Variants in DLG2 observed in about 807,000 individuals in gnomAD.
DLG2 encodes the protein disks large homolog 2.
A neutral mutation model predicts 132.5 loss-of-function variants in DLG2; 45 were observed. The ratio of observed to expected loss-of-function variants is 0.34; its 90% CI spans 0.27 to 0.44. The LOEUF (loss-of-function observed/expected upper bound fraction) is 0.44, where lower values mean the gene tolerates loss of function less well. Among genes scored for constraint, DLG2 ranks in the 20% least tolerant of loss-of-function variants. DLG2 has a pLI of 1.00. For missense variants in DLG2, 1,045 were observed against 1,196.9 expected (o/e 0.87, Z 1.87); for synonymous variants, 424 against 419.6 (o/e 1.01, Z -0.13).
At chr11:83,912,949 T>C (rs2076318606) in intron 15 of DLG2, among the ~76,000 whole-genome samples, 1 of 152,050 alleles carries the variant, frequency 6.6e-6, no homozygotes, top group Non-Finnish European at 1.5e-5. Context: ...GTGGGAAGAA[T>C]AAGGCAGTGA....
At chr11:85,084,590 C>T (rs922804382) in intron 6 of DLG2, among the ~76,000 whole-genome samples, 1 of 152,126 alleles carries the variant, frequency 6.6e-6, no homozygotes, top group Non-Finnish European at 1.5e-5. Context: ...TGTAACCAGT[C>T]AGCATGGTTT....
At chr11:84,402,637 C>CT (rs2098833662) in intron 7 of DLG2, among the ~76,000 whole-genome samples, 1 of 151,904 alleles carries the variant, frequency 6.6e-6, no homozygotes. Flanking sequence ...TTACCCAGCA[C>CT]TTTGAGAGGC....
intron 4 of DLG2, among the ~76,000 whole-genome samples, chr11:85,284,384 A>T (rs946254764): frequency 2.0e-5 from 3 of 151,888 alleles, no homozygotes; most frequent in Non-Finnish European, 2.9e-5. Context: ...AATATTAACA[A>T]TACAAACTCA....
intron 14 of DLG2, among the ~76,000 whole-genome samples, chr11:83,947,372 T>C (rs1201313688): frequency 6.6e-6 from 1 of 152,182 alleles, no homozygotes. Flanking sequence ...TTAAAAGGCA[T>C]TGAAATATAG....
intron 8 of DLG2, among the ~76,000 whole-genome samples, chr11:84,220,290 G>A (rs1179933901): frequency 1.3e-5 from 2 of 152,136 alleles, no homozygotes; most frequent in East Asian, 3.8e-4. Context: ...ACCGATTTAT[G>A]TACTCCTCTC....
chr11:84,793,018 GT>G (rs1333799791), intron 6 of DLG2, among the ~76,000 whole-genome samples: 4 of 151,798 alleles, frequency 2.6e-5, no homozygotes, highest in Non-Finnish European at 2.9e-5. Flanking sequence ...ATAATTTGAA[GT>G]TTTTCTCTTT....
intron 10 of DLG2, among the ~76,000 whole-genome samples, chr11:84,098,199 C>T (rs1390669900): frequency 6.6e-6 from 1 of 151,984 alleles, no homozygotes; most frequent in African/African-American, 2.4e-5. Context: ...CCACCATGCC[C>T]AGCTACTTTT....
At chr11:85,592,682 G>A (rs982882068) in intron 3 of DLG2, among the ~76,000 whole-genome samples, 3 of 152,174 alleles carry the variant, frequency 2.0e-5, no homozygotes, top group African/African-American at 7.2e-5. Context: ...TGGGTGTGGT[G>A]CCTCATGCCT....
chr11:83,712,189 A>G (rs2085600130), intron 18 of DLG2, among the ~76,000 whole-genome samples: 2 of 152,212 alleles, frequency 1.3e-5, no homozygotes, highest in African/African-American at 2.4e-5. Flanking sequence ...AAGTCATTCT[A>G]TTATAAAGAT....
intron 3 of DLG2, among the ~76,000 whole-genome samples, chr11:85,462,772 G>A (rs1026498300): frequency 6.6e-6 from 1 of 151,726 alleles, no homozygotes; most frequent in African/African-American, 2.4e-5. Context: ...TGCACGTTTT[G>A]CTCATGTACC....
intron 6 of DLG2, among the ~76,000 whole-genome samples, chr11:84,548,799 G>C (rs1469911560): frequency 6.6e-6 from 1 of 152,044 alleles, no homozygotes; most frequent in African/African-American, 2.4e-5. Context: ...TCAGCAGCTT[G>C]ACTCACATTT....
At chr11:84,993,588 T>C (rs1057340747) in intron 6 of DLG2, among the ~76,000 whole-genome samples, 5 of 152,216 alleles carry the variant, frequency 3.3e-5, no homozygotes, top group Non-Finnish European at 5.9e-5. Flanking sequence ...GTGGGTACTT[T>C]ACTGCCTCGC....
At chr11:85,178,393 T>C (rs1056125561) in intron 4 of DLG2, among the ~76,000 whole-genome samples, 1 of 152,014 alleles carries the variant, frequency 6.6e-6, no homozygotes, top group Admixed American at 6.6e-5. Context: ...TTTTTTACTA[T>C]TTTTGTAACT....
chr11:85,105,467 A>G (rs942611667), intron 6 of DLG2, among the ~76,000 whole-genome samples: 1 of 151,964 alleles, frequency 6.6e-6, no homozygotes, highest in Non-Finnish European at 1.5e-5. Flanking sequence ...CCATGACTAC[A>G]GCAAAAATGA....
intron 8 of DLG2, among the ~76,000 whole-genome samples, chr11:84,203,225 A>T (rs910310192): frequency 1.3e-5 from 2 of 152,196 alleles, no homozygotes; most frequent in African/African-American, 4.8e-5. Context: ...AATGCCCATC[A>T]ATGATAGACT....
intron 18 of DLG2, among the ~76,000 whole-genome samples, chr11:83,761,118 G>A (rs1045422458): frequency 3.3e-5 from 5 of 152,136 alleles, no homozygotes; most frequent in Non-Finnish European, 7.3e-5. Flanking sequence ...TATGGCTTCT[G>A]GTTGGGTTTG....
At chr11:85,389,599 C>G (rs780852764) in intron 3 of DLG2, among the ~76,000 whole-genome samples, 11 of 152,070 alleles carry the variant, frequency 7.2e-5, no homozygotes, top group Non-Finnish European at 1.6e-4. Flanking sequence ...GTCTTAAGAG[C>G]TACAAGACAA....
chr11:85,549,051 T>A (rs1400573142), intron 3 of DLG2, among the ~76,000 whole-genome samples: 1 of 152,098 alleles, frequency 6.6e-6, no homozygotes, highest in Non-Finnish European at 1.5e-5. Context: ...AAAAAACTCC[T>A]GCGGCTAGTT....
At chr11:83,951,256 C>T (rs925271348) in intron 14 of DLG2, among the ~76,000 whole-genome samples, 1 of 151,990 alleles carries the variant, frequency 6.6e-6, no homozygotes, top group African/African-American at 2.4e-5. Context: ...ATATTCAGTA[C>T]ACAAATGTTT....
Sources: gnomAD v4.1 joint callset for allele counts (sites outside exome capture counted in the v4.1 genomes callset) on GRCh38, gnomAD v4.1.1 for gene constraint, MANE v1.5 for transcripts, NCBI Gene and HGNC (gene_info 2026-07-23, HGNC 2026-07-21) for gene names.